The following RNF138 variants were observed in gnomAD, a reference collection of about 807,000 sequenced individuals.
RNF138 encodes ring finger protein 138, also known as E3 ubiquitin-protein ligase RNF138.
RNF138 carries 12 observed loss-of-function variants against 31.0 expected under a neutral mutation model. The observed-to-expected ratio is 0.39, with a 90% confidence interval of 0.25 to 0.63. RNF138 has a LOEUF of 0.63. RNF138 is among the 20% of genes least tolerant of loss of function. RNF138 has a pLI of 0.52. For missense variants in RNF138, 192 were observed against 300.1 expected (o/e 0.64, Z 2.66); for synonymous variants, 105 against 99.5 (o/e 1.06, Z -0.33).
At chr18:32,124,670 A>G in intron 5 of RNF138, 64 bp from the exon 6 acceptor site, 1 of 812,164 alleles carries the variant, frequency 1.2e-6, no homozygotes, top group South Asian at 1.4e-5. Context: ...TCCTCAAAAA[A>G]TAGGAGAGCG....
intron 5 of RNF138, chr18:32,124,491 T>C (rs1010221916): frequency 7.9e-6 from 3 of 377,944 alleles, no homozygotes; most frequent in African/African-American, 6.0e-5. Flanking sequence ...GTTTTTGTTT[T>C]TGTTTTGGCC....
intron 3 of RNF138, among the ~76,000 whole-genome samples, chr18:32,113,367 AT>A (rs11307731): frequency 0.65 from 98,660 of 151,804 alleles, 32,318 homozygotes; most frequent in East Asian, 0.74. Flanking sequence ...CAGGAACTTA[AT>A]TTTTTTTTAA....
At chr18:32,113,578 A>G (rs550977798) in intron 3 of RNF138, among the ~76,000 whole-genome samples, 167 bp from the exon 4 acceptor site, 10 of 152,294 alleles carry the variant, frequency 6.6e-5, no homozygotes, top group South Asian at 4.1e-4. Flanking sequence ...ACAGAAATGT[A>G]TTATCTATTC....
intron 2 of RNF138, among the ~76,000 whole-genome samples, chr18:32,093,615 G>T (rs1022605058): frequency 1.3e-5 from 2 of 152,192 alleles, no homozygotes; most frequent in African/African-American, 4.8e-5. Context: ...TAATACAAGG[G>T]TGGAGAGGAG....
chr18:32,117,141 A>G (rs928355579), intron 4 of RNF138, among the ~76,000 whole-genome samples: 3 of 152,066 alleles, frequency 2.0e-5, no homozygotes, highest in African/African-American at 4.8e-5. Context: ...ACCTCAGGTG[A>G]TCCACCTGCC....
Position 32,131,012 on chromosome 18 carries a change from T to G in RNF138, c.*1825T>G, listed in dbSNP as rs1051804517. The G allele has an allele frequency of 2.9e-5, 2 of 69,012 alleles. No individual in the cohort carries two copies. The highest frequency in any genetic ancestry group is 5.9e-5 in the Non-Finnish European group (2 of 33,888). The allele number at this position is 69,012 out of a possible 1,614,324, so 4.3% of individuals were successfully genotyped here. A position where few individuals can be genotyped will look rare whatever the true frequency, so the allele number is the denominator to read the frequency against. ...TCCAATATGTCAAGTTAAACCATTC[T>G]GGGATTTGCAAAGTTTAATACATCC... On this transcript the variant is annotated 3_prime_UTR_variant, in exon 8 of 8. Coordinates refer to ENST00000261593, the MANE Select transcript of RNF138 (RefSeq NM_016271.5).
Position 32,111,748 on chromosome 18 carries a change from G to C in RNF138, c.111-6G>C. The C allele has an allele frequency of 6.2e-7, 1 of 1,608,740 alleles. No individual in the cohort carries two copies. The highest frequency in any genetic ancestry group is 1.1e-5 in the South Asian group (1 of 90,184). ...TGTAATTAATGTGTCACAATGTTTG[G>C]TTTAGTTTCTGTAGAAAATGTTTCC... On this transcript the variant is annotated splice_region_variant and splice_polypyrimidine_tract_variant and intron_variant, in intron 2 of 7. Coordinates refer to ENST00000261593, the MANE Select transcript of RNF138 (RefSeq NM_016271.5).
At chr18:32,092,592 C>T in intron 1 of RNF138, 108 bp from the exon 2 acceptor site, 2 of 580,934 alleles carry the variant, frequency 3.4e-6, no homozygotes, top group South Asian at 4.0e-5. Context: ...CCGGCGCGTG[C>T]GGCAGTAGCG....
chr18:32,125,876 G>C (rs2040376108), intron 6 of RNF138, among the ~76,000 whole-genome samples: 1 of 152,110 alleles, frequency 6.6e-6, no homozygotes, highest in Non-Finnish European at 1.5e-5. Context: ...TATTAGAATG[G>C]GTTCAGTTAT....
chr18:32,102,511 G>C (rs1265666657), intron 2 of RNF138, among the ~76,000 whole-genome samples: 1 of 150,298 alleles, frequency 6.7e-6, no homozygotes, highest in Non-Finnish European at 1.5e-5. Context: ...CTTTTTTTTA[G>C]TTTCTTATAT....
chr18:32,112,483 C>T (rs1568233928), intron 3 of RNF138, among the ~76,000 whole-genome samples: 2 of 152,000 alleles, frequency 1.3e-5, no homozygotes, highest in Non-Finnish European at 1.5e-5. Context: ...GTCAGGAGTT[C>T]GAGACCAGCC....
chr18:32,093,373 C>A lies in RNF138; in HGVS notation c.110+487C>A, dbSNP rs867847748. 2.6e-5 allele frequency among the ~76,000 whole-genome samples: 4 copies of A among 152,212 alleles called. No homozygotes were observed. The South Asian group carries it at 8.3e-4, about 32-fold the overall frequency. On this transcript the variant is annotated intron_variant, in intron 2 of 7. Coordinates refer to ENST00000261593, the MANE Select transcript of RNF138 (RefSeq NM_016271.5). ...CGCGACCTGCCCTGCTTTCAAGTTT[C>A]CTCTTTCAGAACCTTGGTCCGTCCC...
chr18:32,123,716 G>C (rs1245708881), intron 5 of RNF138, 142 bp downstream of exon 5: 1 of 500,204 alleles, frequency 2.0e-6, no homozygotes, highest in African/African-American at 2.1e-5. Flanking sequence ...GCAGTGGTGC[G>C]ATCTTGGCTC....
chr18:32,129,799 A>G lies in RNF138; in HGVS notation c.*612A>G, dbSNP rs1271859203. ...TAAAAAGTGAAAGCTTGTTGTAAAG[A>G]TATTTTCTTTTTGTTATTAGAAGGA... On this transcript the variant is annotated 3_prime_UTR_variant, in exon 8 of 8. Transcript: ENST00000261593. 1.0e-4 allele frequency: 16 copies of G among 152,548 alleles called. No homozygotes were observed. The highest frequency in any genetic ancestry group is 9.8e-4 in the Admixed American group (15 of 15,276). 9.4% of individuals were successfully genotyped at this position (152,548 alleles called of 1,614,324 possible).
intron 6 of RNF138, chr18:32,125,278 A>G (rs1351588424): frequency 6.5e-6 from 1 of 154,122 alleles, no homozygotes; most frequent in Non-Finnish European, 1.4e-5. Context: ...TGCAGCATAT[A>G]GTATGTGAAT....
intron 2 of RNF138, among the ~76,000 whole-genome samples, chr18:32,111,015 C>T (rs548271573): frequency 2.0e-5 from 3 of 152,184 alleles, no homozygotes; most frequent in East Asian, 1.9e-4. Flanking sequence ...CTCCTGACCA[C>T]GTGATCCGCC....
At chr18:32,109,181 TCTCA>T (rs1280646382) in intron 2 of RNF138, among the ~76,000 whole-genome samples, 1 of 150,282 alleles carries the variant, frequency 6.7e-6, no homozygotes, top group Non-Finnish European at 1.5e-5. Flanking sequence ...TTAAACAAGG[TCTCA>T]CTCTGTTGCT....
intron 2 of RNF138, among the ~76,000 whole-genome samples, chr18:32,111,186 A>ATAACTTTGGGTAACACC (rs747664225): frequency 6.6e-6 from 1 of 152,258 alleles, no homozygotes; most frequent in South Asian, 2.1e-4. Flanking sequence ...TAACACGCAG[A>ATAACTTTGGGTAACACC]TAACTTTGGG....
chr18:32,092,568 G>A, intron 1 of RNF138, 132 bp from the exon 2 acceptor site: 1 of 559,358 alleles, frequency 1.8e-6, no homozygotes, highest in Non-Finnish European at 3.2e-6. Context: ...GCCGTGGGAG[G>A]GGTCGCCTCT....
Sources: allele counts gnomAD v4.1 joint callset (sites outside exome capture counted in the v4.1 genomes callset), GRCh38; gene constraint gnomAD v4.1.1; transcripts MANE v1.5; gene names NCBI Gene and HGNC (gene_info 2026-07-23, HGNC 2026-07-21).